Variants in CSMD1 observed in about 807,000 individuals in gnomAD.
CSMD1 encodes the protein CUB and Sushi multiple domains 1.
In CSMD1, 213 loss-of-function variants were observed where a neutral mutation model predicts 417.5. That is an observed-to-expected ratio of 0.51 (90% CI 0.46 to 0.57). The LOEUF is 0.57. Among genes scored for constraint, CSMD1 ranks in the 20% least tolerant of loss-of-function variants. The pLI is 0.00. For missense variants in CSMD1, 6,923 were observed against 4,529.7 expected, an observed-to-expected ratio of 1.53 and a Z score of -15.17; for synonymous variants, 2,862 against 1,736.8, an observed-to-expected ratio of 1.65 and a Z score of -16.11.
In CSMD1 at chr8:4,898,571, C is replaced by T. The variant is rs142077702; in HGVS notation, c.85+95761G>A. ...TTTAAATCCAAGGGTGAGCATGGCT[C>T]ACAAATCATATCCTAGTTCTTTGAA... On this transcript the variant is annotated intron_variant, in intron 1 of 69. Transcript: ENST00000635120. Among the ~76,000 whole-genome samples, 5 of 152,216 alleles carry T rather than the reference C, an allele frequency of 3.3e-5. No homozygotes were observed. The East Asian group carries it at 9.7e-4, about 29-fold the overall frequency.
chr8:3,961,326 G>C (rs111247548), intron 5 of CSMD1, among the ~76,000 whole-genome samples: 32 of 152,254 alleles, frequency 2.1e-4, no homozygotes, highest in African/African-American at 7.7e-4. Flanking sequence ...TTTCAATTAA[G>C]GAAACATTTT....
At chr8:3,430,072 C>A (rs753098078) in intron 12 of CSMD1, among the ~76,000 whole-genome samples, 2 of 152,016 alleles carry the variant, frequency 1.3e-5, no homozygotes, top group African/African-American at 4.8e-5. Flanking sequence ...TGTATATATA[C>A]ACACATGCAT....
chr8:3,871,720 T>G (rs927415629), intron 5 of CSMD1, among the ~76,000 whole-genome samples: 11 of 152,306 alleles, frequency 7.2e-5, no homozygotes, highest in African/African-American at 2.6e-4. Context: ...AAAAATTGCT[T>G]TTGAAATCCA....
chr8:3,504,149 T>C (rs1049975933), intron 10 of CSMD1, among the ~76,000 whole-genome samples: 2 of 152,126 alleles, frequency 1.3e-5, no homozygotes, highest in Admixed American at 1.3e-4. Flanking sequence ...AATATGTTAA[T>C]TCCCATGATT....
chr8:3,180,619 T>C (rs1017040711), intron 37 of CSMD1, among the ~76,000 whole-genome samples: 6 of 152,158 alleles, frequency 3.9e-5, no homozygotes, highest in Non-Finnish European at 4.4e-5. Flanking sequence ...TTGTCTCTCA[T>C]AATGTATATT....
chr8:4,898,362 G>A (rs886934013), intron 1 of CSMD1, among the ~76,000 whole-genome samples: 7 of 151,244 alleles, frequency 4.6e-5, no homozygotes, highest in South Asian at 2.1e-4. Context: ...CAATTTCTGT[G>A]TCACACCTGC....
intron 1 of CSMD1, among the ~76,000 whole-genome samples, chr8:4,728,172 T>A (rs898667890): frequency 4.1e-5 from 6 of 147,442 alleles, no homozygotes; most frequent in Admixed American, 6.8e-5. Context: ...ATATATATAT[T>A]TATTTGGCAT....
intron 3 of CSMD1, among the ~76,000 whole-genome samples, chr8:4,048,796 G>C (rs1050836128): frequency 1.3e-5 from 2 of 152,152 alleles, no homozygotes; most frequent in Non-Finnish European, 2.9e-5. Context: ...TTATTATACA[G>C]TATATGTAGT....
chr8:4,554,845 T>C (rs1217857163), intron 2 of CSMD1, among the ~76,000 whole-genome samples: 2 of 152,134 alleles, frequency 1.3e-5, no homozygotes, highest in African/African-American at 4.8e-5. Flanking sequence ...TTGATGGGGT[T>C]AAAAGCTGAA....
intron 5 of CSMD1, among the ~76,000 whole-genome samples, chr8:3,942,857 A>G (rs924333825): frequency 6.6e-6 from 1 of 152,188 alleles, no homozygotes; most frequent in Non-Finnish European, 1.5e-5. Flanking sequence ...CGTCCCACAA[A>G]TTGATGTGAT....
At chr8:4,084,075 A>T (rs1310954216) in intron 3 of CSMD1, among the ~76,000 whole-genome samples, 2 of 152,234 alleles carry the variant, frequency 1.3e-5, no homozygotes, top group African/African-American at 4.8e-5. Flanking sequence ...TCAATACATG[A>T]AAATGGCTAG....
At chr8:4,211,484 A>G (rs1301019639) in intron 3 of CSMD1, among the ~76,000 whole-genome samples, 6 of 152,196 alleles carry the variant, frequency 3.9e-5, no homozygotes, top group Admixed American at 3.9e-4. Flanking sequence ...CATTTTGAAA[A>G]TTTCACTGGG....
intron 12 of CSMD1, among the ~76,000 whole-genome samples, chr8:3,421,433 A>T (rs947403777): frequency 6.6e-6 from 1 of 152,242 alleles, no homozygotes; most frequent in East Asian, 1.9e-4. Flanking sequence ...GTGATTAAGA[A>T]AAGAGAAACA....
chr8:4,518,098 A>T (rs990848795), intron 2 of CSMD1, among the ~76,000 whole-genome samples: 6 of 152,200 alleles, frequency 3.9e-5, no homozygotes, highest in African/African-American at 1.4e-4. Flanking sequence ...CCAAAAATCT[A>T]GGGGGAACAT....
intron 5 of CSMD1, among the ~76,000 whole-genome samples, chr8:3,943,845 T>C (rs746552680): frequency 1.3e-5 from 2 of 152,012 alleles, no homozygotes; most frequent in Non-Finnish European, 2.9e-5. Context: ...AAGGAAAAAA[T>C]TGCCGTTTCC....
intron 33 of CSMD1, among the ~76,000 whole-genome samples, chr8:3,195,115 A>G (rs914375914): frequency 2.6e-5 from 4 of 152,218 alleles, no homozygotes; most frequent in African/African-American, 7.2e-5. Context: ...GTTGAAACAA[A>G]TTACAGAAAT....
At chr8:3,895,517 T>C (rs1461323760) in intron 5 of CSMD1, among the ~76,000 whole-genome samples, 2 of 152,120 alleles carry the variant, frequency 1.3e-5, no homozygotes, top group African/African-American at 4.8e-5. Flanking sequence ...AGTGTATCTA[T>C]CCTTAGGGAA....
rs370267954 is a variant in CSMD1 at position 3,000,121 on chromosome 8, G to A, written c.8040C>T (p.Cys2680=). The A allele has an allele frequency of 1.3e-4, 204 of 1,539,534 alleles. No homozygotes were observed. The African/African-American group carries it at 1.7e-3, about 13-fold the overall frequency. Reference sequence around the variant, plus strand: ...CGTTCACAATCGGGTCTGGGGAACCGCAGTGGCCAGCTAAAAATGTTAAAC... The same window carrying A: ...CGTTCACAATCGGGTCTGGGGAACCACAGTGGCCAGCTAAAAATGTTAAAC... ...GSETRCLAGH[C]GSPDPIVNGH... Residue 2680 remains cysteine (C), a synonymous_variant, in exon 53 of 70, where the codon TGC becomes TGT. Coordinates refer to ENST00000635120, the MANE Select transcript of CSMD1 (RefSeq NM_033225.6).
At chr8:4,950,137 C>G (rs993791697) in intron 1 of CSMD1, among the ~76,000 whole-genome samples, 2 of 151,988 alleles carry the variant, frequency 1.3e-5, no homozygotes, top group Non-Finnish European at 2.9e-5. Flanking sequence ...TAATATATGT[C>G]TATGTTCCCA....
Sources: gnomAD v4.1 joint callset for allele counts (sites outside exome capture counted in the v4.1 genomes callset) on GRCh38, gnomAD v4.1.1 for gene constraint, MANE v1.5 for transcripts, NCBI Gene and HGNC (gene_info 2026-07-23, HGNC 2026-07-21) for gene names.